Variants in FBXL17 observed in about 807,000 individuals in gnomAD.
The protein encoded by FBXL17 is F-box and leucine rich repeat protein 17.
Under a neutral mutation model 66.2 loss-of-function variants are expected in FBXL17, and 22 were observed. The ratio of observed to expected loss-of-function variants is 0.33; its 90% CI spans 0.24 to 0.47. The LOEUF (loss-of-function observed/expected upper bound fraction) is 0.47, where lower values mean the gene tolerates loss of function less well. Ranked by LOEUF, FBXL17 falls within the 20% of genes least tolerant of loss-of-function variation. FBXL17 has a pLI of 1.00. For synonymous variants in FBXL17, 474 were observed against 400.5 expected (o/e 1.18, Z -2.19); for missense variants, 878 against 948.2 (o/e 0.93, Z 0.97).
intron 5 of FBXL17, among the ~76,000 whole-genome samples, chr5:108,210,183 C>G (rs1271677573): frequency 6.6e-6 from 1 of 152,030 alleles, no homozygotes; most frequent in Non-Finnish European, 1.5e-5. Context: ...TTTATTGCAT[C>G]TATTTGATCC....
At chr5:108,293,764 G>T (rs938329674) in intron 4 of FBXL17, among the ~76,000 whole-genome samples, 1 of 152,014 alleles carries the variant, frequency 6.6e-6, no homozygotes, top group Non-Finnish European at 1.5e-5. Context: ...ATTTTGGCCA[G>T]GCGTGGTGGT....
chr5:108,380,645 G>A (rs1175913257), intron 1 of FBXL17, 54 bp downstream of exon 1: 4 of 1,101,232 alleles, frequency 3.6e-6, no homozygotes, highest in East Asian at 6.5e-5. Flanking sequence ...CCTCGGAGGC[G>A]GGGGCCGGGG....
At chr5:108,166,564 T>C (rs888205492) in intron 6 of FBXL17, among the ~76,000 whole-genome samples, 5 of 152,172 alleles carry the variant, frequency 3.3e-5, no homozygotes, top group Admixed American at 6.5e-5. Context: ...GAACATCAGA[T>C]AGAGTGTGAT....
At chr5:108,223,429 C>T (rs1163913042) in intron 5 of FBXL17, among the ~76,000 whole-genome samples, 2 of 142,614 alleles carry the variant, frequency 1.4e-5, no homozygotes, top group East Asian at 1.9e-4. Flanking sequence ...TTCCTAAGTA[C>T]TATAGGATAG....
At chr5:107,874,075 G>C (rs1056229467) in intron 8 of FBXL17, among the ~76,000 whole-genome samples, 1 of 152,098 alleles carries the variant, frequency 6.6e-6, no homozygotes, top group Non-Finnish European at 1.5e-5. Flanking sequence ...GTTTGACTTG[G>C]CAGGTCTTCA....
chr5:108,149,646 C>T lies in FBXL17; in HGVS notation c.1745+36471G>A, dbSNP rs537542823. On this transcript the variant is annotated intron_variant, in intron 6 of 8. Coordinates refer to ENST00000542267, the MANE Select transcript of FBXL17 (RefSeq NM_001163315.3). ...CTCTTCTGCTATCTTAACCACCTTA[C>T]ATTACATACCAATCTTGGTACTCTT... 3.3e-5 allele frequency among the ~76,000 whole-genome samples: 5 copies of T among 152,294 alleles called. No homozygotes were observed. The South Asian group carries it at 6.2e-4, about 19-fold the overall frequency.
intron 6 of FBXL17, among the ~76,000 whole-genome samples, chr5:108,082,008 C>T (rs139479748): frequency 6.6e-4 from 100 of 152,176 alleles, no homozygotes; most frequent in Middle Eastern, 6.8e-3. Context: ...ATAGATAAGG[C>T]CTCCAATATT....
intron 6 of FBXL17, among the ~76,000 whole-genome samples, chr5:108,066,818 G>A (rs747918877): frequency 1.3e-5 from 2 of 151,482 alleles, no homozygotes; most frequent in Non-Finnish European, 2.9e-5. Context: ...TCAATTCTTC[G>A]AAATACAATA....
At chr5:108,371,196 A>AG (rs1749016429) in intron 1 of FBXL17, among the ~76,000 whole-genome samples, 1 of 152,222 alleles carries the variant, frequency 6.6e-6, no homozygotes, top group Non-Finnish European at 1.5e-5. Context: ...ATGCTACGTC[A>AG]GTAGCAGAGC....
At chr5:107,896,135 T>C (rs972134439) in intron 7 of FBXL17, among the ~76,000 whole-genome samples, 3 of 152,166 alleles carry the variant, frequency 2.0e-5, no homozygotes, top group Non-Finnish European at 4.4e-5. Flanking sequence ...AATTGCTGGA[T>C]GTGCCTTTCT....
intron 4 of FBXL17, among the ~76,000 whole-genome samples, chr5:108,266,006 G>C (rs1312785543): frequency 6.6e-6 from 1 of 152,006 alleles, no homozygotes; most frequent in Non-Finnish European, 1.5e-5. Flanking sequence ...TTCTTACTGA[G>C]GGGAACTAAT....
At chr5:107,972,335 G>A (rs1209954964) in intron 7 of FBXL17, among the ~76,000 whole-genome samples, 1 of 152,176 alleles carries the variant, frequency 6.6e-6, no homozygotes. Flanking sequence ...AAAGGAAGAT[G>A]ACTCATATTT....
intron 4 of FBXL17, among the ~76,000 whole-genome samples, chr5:108,326,032 T>A (rs1759831631): frequency 6.6e-6 from 1 of 152,136 alleles, no homozygotes. Context: ...GAGTTTACAC[T>A]TTAAGGGTGG....
chr5:107,985,556 C>T lies in FBXL17; in HGVS notation c.1822+35369G>A, dbSNP rs544217847. On this transcript the variant is annotated intron_variant, in intron 7 of 8. Transcript: ENST00000542267. ...CCTAAGTGGACCTTCTTAAATTAGT[C>T]TCTTGTTTACTTCATTTTTTTCTAC... Among the ~76,000 whole-genome samples the T allele has an allele frequency of 2.0e-5, 3 of 152,256 alleles. No homozygotes were observed. In the East Asian group the frequency reaches 5.8e-4, roughly 29 times the overall value.
chr5:108,211,821 C>A (rs576261895), intron 5 of FBXL17, among the ~76,000 whole-genome samples: 5 of 152,152 alleles, frequency 3.3e-5, no homozygotes, highest in Admixed American at 6.5e-5. Flanking sequence ...TTGCCCTTCT[C>A]GAGGAGTATC....
intron 6 of FBXL17, among the ~76,000 whole-genome samples, chr5:108,099,240 A>G (rs907035116): frequency 2.6e-5 from 4 of 152,222 alleles, no homozygotes; most frequent in South Asian, 2.1e-4. Flanking sequence ...AAGAAAAAGT[A>G]TAAAATAGCT....
At chr5:108,160,633 C>A (rs931668331) in intron 6 of FBXL17, among the ~76,000 whole-genome samples, 1 of 152,086 alleles carries the variant, frequency 6.6e-6, no homozygotes, top group Non-Finnish European at 1.5e-5. Context: ...TTTTCATATA[C>A]TAGAGGCAGC....
At chr5:107,987,043 C>T (rs763984200) in intron 7 of FBXL17, among the ~76,000 whole-genome samples, 1 of 151,748 alleles carries the variant, frequency 6.6e-6, no homozygotes, top group Non-Finnish European at 1.5e-5. Context: ...TAACTGAAAC[C>T]TTCATACATT....
intron 5 of FBXL17, among the ~76,000 whole-genome samples, chr5:108,192,636 A>C (rs2150039653): frequency 6.6e-6 from 1 of 152,268 alleles, no homozygotes; most frequent in Middle Eastern, 3.4e-3. Flanking sequence ...TACTAAAAAT[A>C]CAAAAATTAG....
Sources: gnomAD v4.1 joint callset for allele counts (sites outside exome capture counted in the v4.1 genomes callset) on GRCh38, gnomAD v4.1.1 for gene constraint, MANE v1.5 for transcripts, NCBI Gene and HGNC (gene_info 2026-07-23, HGNC 2026-07-21) for gene names.